SSBP2: variants seen among roughly 807,000 people sequenced by gnomAD.
The protein encoded by SSBP2 is single-stranded DNA-binding protein 2.
SSBP2 carries 17 observed loss-of-function variants against 61.8 expected under a neutral mutation model. The observed-to-expected ratio is 0.28, with a 90% CI of 0.19 to 0.41. The LOEUF (loss-of-function observed/expected upper bound fraction) is 0.41. SSBP2 is among the 10% of genes least tolerant of loss of function. The pLI is 1.00. For missense variants in SSBP2, 310 were observed against 458.7 expected (o/e 0.68, Z 2.96); for synonymous variants, 139 against 141.3 (o/e 0.98, Z 0.12).
intron 1 of SSBP2, among the ~76,000 whole-genome samples, chr5:81,715,286 C>T (rs923370385): frequency 2.0e-5 from 3 of 151,956 alleles, no homozygotes; most frequent in Non-Finnish European, 4.4e-5. Flanking sequence ...ATGTGTTCCA[C>T]CAAAATAATG....
At chr5:81,638,189 C>A (rs1160558362) in intron 2 of SSBP2, among the ~76,000 whole-genome samples, 5 of 150,916 alleles carry the variant, frequency 3.3e-5, no homozygotes, top group Non-Finnish European at 7.4e-5. Context: ...ACCAGCATGG[C>A]ACATGTATAC....
Position 81,415,694 on chromosome 5 carries a change from C to G in SSBP2, c.*4810G>C, listed in dbSNP as rs192760222. 1 of 151,472 alleles carries G rather than the reference C, an allele frequency of 6.6e-6. No homozygotes were observed. The highest frequency in any genetic ancestry group is 1.5e-5 in the Non-Finnish European group (1 of 68,006). 9.4% of individuals were successfully genotyped at this position (151,472 alleles called of 1,614,324 possible). A position where few individuals can be genotyped will look rare whatever the true frequency, so the allele number is the denominator to read the frequency against. On this transcript the variant is annotated 3_prime_UTR_variant, in exon 17 of 17. Coordinates refer to ENST00000320672, the MANE Select transcript of SSBP2 (RefSeq NM_012446.5). ...TTGGGAGGCCAAGGCGGGTGGATCA[C>G]GAGGTCAGGAGATCGAGACCATCCT...
chr5:81,491,201 CAT>C (rs1370429023), intron 5 of SSBP2, among the ~76,000 whole-genome samples: 2 of 152,186 alleles, frequency 1.3e-5, no homozygotes, highest in East Asian at 3.9e-4. Flanking sequence ...TGTTTTATGA[CAT>C]AGTCATTAAT....
intron 1 of SSBP2, among the ~76,000 whole-genome samples, chr5:81,665,384 A>G (rs2153752090): frequency 6.6e-6 from 1 of 152,350 alleles, no homozygotes; most frequent in South Asian, 2.1e-4. Context: ...AAAATCCTAC[A>G]TCTGAATTCC....
chr5:81,638,512 C>G (rs1040715232), intron 2 of SSBP2, among the ~76,000 whole-genome samples: 12 of 150,922 alleles, frequency 8.0e-5, no homozygotes, highest in African/African-American at 2.9e-4. Flanking sequence ...GAGCAAGACT[C>G]CGTCTCAGAG....
intron 15 of SSBP2, among the ~76,000 whole-genome samples, chr5:81,433,664 A>AGGATTTT (rs1331564276): frequency 1.3e-5 from 2 of 152,100 alleles, no homozygotes; most frequent in South Asian, 2.1e-4. Flanking sequence ...TCCAAGGAAA[A>AGGATTTT]GGATTTTTGT....
chr5:81,418,600 G>A lies in SSBP2; in HGVS notation c.*1904C>T, dbSNP rs899880831. 3.3e-5 allele frequency: 5 copies of A among 152,116 alleles called. No individual in the cohort carries two copies. Among genetic ancestry groups the A allele is most frequent in the African/African-American group, 1.2e-4 (5 of 41,418 alleles). 9.4% of individuals were successfully genotyped at this position (152,116 alleles called of 1,614,324 possible). A position where few individuals can be genotyped will look rare whatever the true frequency, so the allele number is the denominator to read the frequency against. ...TGTCCTTGTCTGAACATCATAGAGT[G>A]TACTTACACAAACCTAGATGGTATA... On this transcript the variant is annotated 3_prime_UTR_variant, in exon 17 of 17. Transcript: ENST00000320672.
intron 4 of SSBP2, among the ~76,000 whole-genome samples, chr5:81,537,110 C>T (rs970780400): frequency 6.6e-6 from 1 of 151,990 alleles, no homozygotes. Flanking sequence ...TGACTTTCTC[C>T]AAAAAAGTGA....
At chr5:81,422,204 C>T (rs895525273) in intron 16 of SSBP2, among the ~76,000 whole-genome samples, 5 of 151,960 alleles carry the variant, frequency 3.3e-5, no homozygotes, top group South Asian at 2.1e-4. Flanking sequence ...TAGGCGAGCA[C>T]GAACTTTTCA....
chr5:81,596,147 A>G (rs1365891749), intron 4 of SSBP2, among the ~76,000 whole-genome samples: 1 of 152,204 alleles, frequency 6.6e-6, no homozygotes, highest in Admixed American at 6.5e-5. Flanking sequence ...AAGTCTCAGG[A>G]TACAAAATCA....
intron 4 of SSBP2, among the ~76,000 whole-genome samples, chr5:81,587,717 T>TA (rs1775161055): frequency 6.6e-6 from 1 of 151,282 alleles, no homozygotes; most frequent in African/African-American, 2.4e-5. Flanking sequence ...GCAACAGAGC[T>TA]AGACTCTGTC....
At chr5:81,644,693 A>T (rs962285535) in intron 2 of SSBP2, among the ~76,000 whole-genome samples, 1 of 152,172 alleles carries the variant, frequency 6.6e-6, no homozygotes, top group African/African-American at 2.4e-5. Flanking sequence ...GAAAAACAGA[A>T]AACTTCAGGC....
intron 1 of SSBP2, among the ~76,000 whole-genome samples, chr5:81,681,881 G>A (rs575021610): frequency 1.1e-4 from 17 of 152,164 alleles, no homozygotes; most frequent in Non-Finnish European, 2.1e-4. Flanking sequence ...TGAAAGATAA[G>A]ACATCACTAC....
intron 1 of SSBP2, among the ~76,000 whole-genome samples, chr5:81,706,096 G>A (rs1754371544): frequency 4.6e-5 from 7 of 151,938 alleles, no homozygotes. Context: ...ATCAATCTAG[G>A]TGCCCATTAA....
At chr5:81,470,737 A>G (rs947193731) in intron 8 of SSBP2, among the ~76,000 whole-genome samples, 3 of 151,926 alleles carry the variant, frequency 2.0e-5, no homozygotes, top group Admixed American at 6.6e-5. Context: ...TTTTTCTACA[A>G]TACAGCTAAA....
At chr5:81,628,568 T>G (rs1213731208) in intron 3 of SSBP2, among the ~76,000 whole-genome samples, 1 of 152,188 alleles carries the variant, frequency 6.6e-6, no homozygotes, top group African/African-American at 2.4e-5. Flanking sequence ...AGAAAGAAGC[T>G]TATTGGCATT....
At chr5:81,525,352 G>T (rs1769837046) in intron 4 of SSBP2, among the ~76,000 whole-genome samples, 1 of 151,776 alleles carries the variant, frequency 6.6e-6, no homozygotes, top group Admixed American at 6.6e-5. Flanking sequence ...TCCTCAAGGA[G>T]GCCCCAGTGT....
chr5:81,721,611 C>T (rs932984534), intron 1 of SSBP2, among the ~76,000 whole-genome samples: 3 of 141,810 alleles, frequency 2.1e-5, no homozygotes, highest in African/African-American at 9.4e-5. Context: ...AAAACAAAAA[C>T]AAAAACAAAA....
intron 1 of SSBP2, among the ~76,000 whole-genome samples, chr5:81,725,964 G>GA (rs141653497): frequency 6.6e-6 from 1 of 151,792 alleles, no homozygotes; most frequent in African/African-American, 2.4e-5. Flanking sequence ...CATGTTGAAT[G>GA]AAAAAAGAAA....
Sources: gnomAD v4.1 joint callset for allele counts (sites outside exome capture counted in the v4.1 genomes callset) on GRCh38, gnomAD v4.1.1 for gene constraint, MANE v1.5 for transcripts, NCBI Gene and HGNC (gene_info 2026-07-23, HGNC 2026-07-21) for gene names.